CCDC150: variants seen among roughly 807,000 people sequenced by gnomAD.
CCDC150 encodes coiled-coil domain containing 150, also known as coiled-coil domain-containing protein 150.
Under a neutral mutation model 156.5 loss-of-function variants are expected in CCDC150, and 151 were observed. That is an observed-to-expected ratio of 0.97 (90% CI 0.85 to 1.10). The LOEUF (loss-of-function observed/expected upper bound fraction) is 1.10, where lower values mean the gene tolerates loss of function less well. Ranked by LOEUF, CCDC150 falls within the 50% of genes least tolerant of loss-of-function variation. CCDC150 has a pLI of 0.00. For missense variants in CCDC150, 1,312 were observed against 1,268.1 expected (o/e 1.03, Z -0.53); for synonymous variants, 452 against 429.4 (o/e 1.05, Z -0.65).
chr2:196,657,092 G>A lies in CCDC150; in HGVS notation c.532G>A (p.Val178Met), dbSNP rs763124897. The change falls in exon 4 of 28, where the codon GTG becomes ATG. Residue 178 changes from valine (V) to methionine (M), a missense_variant. Physicochemically the swap from Val to Met is conservative, Grantham distance 21 (BLOSUM62 1). Coordinates refer to ENST00000389175, the MANE Select transcript of CCDC150 (RefSeq NM_001080539.2). ...KEEEDKAQDE[V>M]QRLTATLKIA... Reference sequence around the variant, plus strand: ...GGAAGAAGACAAGGCACAAGATGAGGTGCAAAGGTTGACTGCCACTCTGAA... The same window carrying A: ...GGAAGAAGACAAGGCACAAGATGAGATGCAAAGGTTGACTGCCACTCTGAA... 4.3e-6 allele frequency: 7 copies of A among 1,613,740 alleles called. No homozygotes were observed. Among genetic ancestry groups the A allele is most frequent in the Non-Finnish European group, 5.9e-6 (7 of 1,179,774 alleles).
At chr2:196,732,231 C>A in intron 27 of CCDC150, 79 bp downstream of exon 27, 1 of 1,447,518 alleles carries the variant, frequency 6.9e-7, no homozygotes, top group Non-Finnish European at 9.6e-7. Flanking sequence ...GTTCTCTCAT[C>A]ATCTCGATAC....
intron 21 of CCDC150, among the ~76,000 whole-genome samples, chr2:196,722,993 T>C (rs1698010994): frequency 6.6e-6 from 1 of 152,228 alleles, no homozygotes. Context: ...GATAATAGTT[T>C]GTATTTTCAT....
intron 17 of CCDC150, among the ~76,000 whole-genome samples, chr2:196,714,893 T>A (rs1475359289): frequency 1.3e-5 from 2 of 152,222 alleles, no homozygotes; most frequent in Non-Finnish European, 2.9e-5. Context: ...TTCAGTAGAT[T>A]ATCAGGACCT....
chr2:196,671,427 C>CTTTTT lies in CCDC150; in HGVS notation c.937-902_937-898dup, dbSNP rs397987214. On this transcript the variant is annotated intron_variant, in intron 8 of 27. Transcript: ENST00000389175. ...GCACATTTTTCTTTCTTTTCTCTCT[C>CTTTTT]TTTTTTTTTTTTTTTTTTTTGAGAC... Among the ~76,000 whole-genome samples the CTTTTT allele has an allele frequency of 9.7e-4, 105 of 108,644 alleles. 1 individual carries two copies. The highest frequency in any genetic ancestry group is 1.7e-3 in the East Asian group (6 of 3,434). The allele number at this position is 108,644 out of a possible 152,430, so 71.3% of individuals were successfully genotyped here.
At chr2:196,675,177 C>G (rs1241843562) in intron 10 of CCDC150, among the ~76,000 whole-genome samples, 1 of 152,038 alleles carries the variant, frequency 6.6e-6, no homozygotes, top group Non-Finnish European at 1.5e-5. Flanking sequence ...GAGGCAAGGA[C>G]ATTACCTTAT....
At chr2:196,702,453 C>T (rs974414033) in intron 15 of CCDC150, among the ~76,000 whole-genome samples, 3 of 151,558 alleles carry the variant, frequency 2.0e-5, no homozygotes, top group Non-Finnish European at 2.9e-5. Context: ...CTCTGCCTTC[C>T]GGGCTCAAAT....
intron 2 of CCDC150, among the ~76,000 whole-genome samples, chr2:196,652,332 A>G (rs1483455494): frequency 1.3e-5 from 2 of 152,244 alleles, no homozygotes; most frequent in Non-Finnish European, 2.9e-5. Context: ...AGACAAAAAG[A>G]AAGTTATTTA....
chr2:196,729,898 T>C, intron 24 of CCDC150, 37 bp downstream of exon 24: 1 of 1,604,340 alleles, frequency 6.2e-7, no homozygotes. Flanking sequence ...TTACCTTTCA[T>C]GCAAAATCTC....
At position 196,656,830 on chromosome 2, in the gene CCDC150, A is replaced by C; in HGVS notation, c.374A>C (p.Lys125Thr). 2 of 1,613,906 alleles carry C rather than the reference A, an allele frequency of 1.2e-6. No individual in the cohort carries two copies. The highest frequency in any genetic ancestry group is 1.7e-6 in the Non-Finnish European group (2 of 1,179,820). The change falls in exon 3 of 28, where the codon AAG (lysine) becomes ACG (threonine). Residue 125 changes from lysine (K) to threonine (T), a missense_variant. Lys to Thr is a moderately conservative substitution (Grantham distance 78). Coordinates refer to ENST00000389175, the MANE Select transcript of CCDC150 (RefSeq NM_001080539.2). ...KMNIFRLQTEKDLNPQKTAFL... is the reference protein window; with the variant it reads ...KMNIFRLQTETDLNPQKTAFL... Reference sequence around the variant, plus strand: ...AACATCTTTCGGCTGCAAACTGAAAAGGATTTGAATCCTCAGAAAACAGGT... The same window carrying C: ...AACATCTTTCGGCTGCAAACTGAAACGGATTTGAATCCTCAGAAAACAGGT...
In CCDC150 at chr2:196,665,693, T is replaced by C. The variant is rs1381134359; in HGVS notation, c.762+10T>C. On this transcript the variant is annotated intron_variant, in intron 6 of 27. Coordinates refer to ENST00000389175, the MANE Select transcript of CCDC150 (RefSeq NM_001080539.2). ...GGTAGAACGAAAACAGGTAGAAAGATTTCTTCTCCTTATGTGGTTTGGGAA... is the reference window on the plus strand; with the variant it reads ...GGTAGAACGAAAACAGGTAGAAAGACTTCTTCTCCTTATGTGGTTTGGGAA... 6.7e-7 allele frequency: 1 copy of C among 1,499,008 alleles called. No homozygotes were observed. Among genetic ancestry groups the C allele is most frequent in the South Asian group, 1.2e-5 (1 of 81,540 alleles). The allele number at this position is 1,499,008 out of a possible 1,614,324, so 92.9% of individuals were successfully genotyped here. A position where few individuals can be genotyped will look rare whatever the true frequency, so the allele number is the denominator to read the frequency against.
chr2:196,689,507 A>G (rs889624106), intron 13 of CCDC150, among the ~76,000 whole-genome samples: 4 of 151,978 alleles, frequency 2.6e-5, no homozygotes, highest in African/African-American at 9.7e-5. Context: ...CTTTGAAGCA[A>G]TTGTGAATGG....
At chr2:196,649,255 T>A (rs1692734653) in intron 2 of CCDC150, among the ~76,000 whole-genome samples, 1 of 152,198 alleles carries the variant, frequency 6.6e-6, no homozygotes, top group South Asian at 2.1e-4. Context: ...TTAATTCTTC[T>A]AATCCATAAA....
rs771987095 is a variant in CCDC150 at position 196,672,329 on chromosome 2, AT to A, written c.937-8del. On this transcript the variant is annotated splice_polypyrimidine_tract_variant and intron_variant, in intron 8 of 27. Coordinates refer to ENST00000389175, the MANE Select transcript of CCDC150 (RefSeq NM_001080539.2). ...TCTCTTATATGTGAAAAAGAGAGTA[AT>A]TTTTTTTCTTATAGAACCTGCAGAT... 3.6e-5 allele frequency: 50 copies of A among 1,402,226 alleles called. No homozygotes were observed. Among genetic ancestry groups the A allele is most frequent in the Middle Eastern group, 1.8e-4 (1 of 5,568 alleles). The allele number at this position is 1,402,226 out of a possible 1,614,324, so 86.9% of individuals were successfully genotyped here.
intron 20 of CCDC150, 102 bp downstream of exon 20, chr2:196,720,770 T>A: frequency 1.9e-6 from 2 of 1,041,510 alleles, no homozygotes; most frequent in South Asian, 3.1e-5. Flanking sequence ...GTAAATGTTT[T>A]TTTCAATCAA....
Position 196,646,397 on chromosome 2 carries a change from T to C in CCDC150, c.69T>C (p.Ala23=), listed in dbSNP as rs537880984. 1 of 1,613,850 alleles carries C rather than the reference T, an allele frequency of 6.2e-7. No individual in the cohort carries two copies. The highest frequency in any genetic ancestry group is 1.1e-5 in the South Asian group (1 of 91,076). Residue 23 remains alanine (A), a synonymous_variant, in exon 2 of 28, where the codon GCT becomes GCC. Coordinates refer to ENST00000389175, the MANE Select transcript of CCDC150 (RefSeq NM_001080539.2). Reference sequence around the variant, plus strand: ...TCCTTTCTCCAACCCACATCAACGCTACAGCTTCTGAAACATTCACAGTAC... The same window carrying C: ...TCCTTTCTCCAACCCACATCAACGCCACAGCTTCTGAAACATTCACAGTAC... ...RPVLSPTHIN[A]TASETFTVLQ...
At chr2:196,648,163 G>A (rs1692652358) in intron 2 of CCDC150, among the ~76,000 whole-genome samples, 1 of 152,146 alleles carries the variant, frequency 6.6e-6, no homozygotes, top group South Asian at 2.1e-4. Context: ...CCAGAAGTGG[G>A]ATTGCTGGAT....
At chr2:196,714,379 T>C (rs959496738) in intron 17 of CCDC150, among the ~76,000 whole-genome samples, 13 of 152,182 alleles carry the variant, frequency 8.5e-5, no homozygotes, top group African/African-American at 3.1e-4. Flanking sequence ...TGATGCCCTA[T>C]GCTGATGAAG....
chr2:196,691,816 C>G (rs928132552), intron 13 of CCDC150, among the ~76,000 whole-genome samples: 1 of 152,094 alleles, frequency 6.6e-6, no homozygotes, highest in Non-Finnish European at 1.5e-5. Context: ...TGGCATGGGC[C>G]TGTAGTCCCA....
rs1435730397 is a variant in CCDC150, at chr2:196,639,741, T to G, written c.-26T>G. 1 of 1,556,466 alleles carries G rather than the reference T, an allele frequency of 6.4e-7. No individual in the cohort carries two copies. The highest frequency in any genetic ancestry group is 1.2e-5 in the South Asian group (1 of 82,954). On this transcript the variant is annotated 5_prime_UTR_variant, in exon 1 of 28. Transcript: ENST00000389175. ...GTTCCACGGAAACCCGCTCGCCTGC[T>G]GCAGTACGGAGCCTCAGGCGGACAG...
Sources: gnomAD v4.1 joint callset for allele counts (sites outside exome capture counted in the v4.1 genomes callset) on GRCh38, gnomAD v4.1.1 for gene constraint, MANE v1.5 for transcripts, NCBI Gene and HGNC (gene_info 2026-07-23, HGNC 2026-07-21) for gene names.